The following KCNMA1 variants were observed in gnomAD, a reference collection of about 807,000 sequenced individuals.
KCNMA1 encodes the protein potassium calcium-activated channel subfamily M alpha 1, also known as Calcium-activated potassium channel subunit alpha-1.
KCNMA1 carries 29 observed loss-of-function variants against 140.0 expected under a neutral mutation model. The ratio of observed to expected loss-of-function variants is 0.21; its 90% CI spans 0.15 to 0.28. The LOEUF (loss-of-function observed/expected upper bound fraction) is 0.28. Ranked by LOEUF, KCNMA1 falls within the 10% of genes least tolerant of loss-of-function variation. The pLI is 1.00. For missense variants in KCNMA1, 880 were observed against 1,602.2 expected (o/e 0.55, Z 7.70); for synonymous variants, 612 against 611.9 (o/e 1.00, Z 0.00).
At chr10:77,576,648 A>G (rs1314252280) in intron 1 of KCNMA1, among the ~76,000 whole-genome samples, 2 of 152,328 alleles carry the variant, frequency 1.3e-5, no homozygotes, top group Middle Eastern at 3.4e-3. Flanking sequence ...CGTGCAAGAA[A>G]GCTCACCATG....
At chr10:76,900,137 T>A (rs1246905474) in intron 25 of KCNMA1, among the ~76,000 whole-genome samples, 1 of 152,108 alleles carries the variant, frequency 6.6e-6, no homozygotes, top group African/African-American at 2.4e-5. Context: ...AATGTAGAGA[T>A]CATTTTTATT....
At chr10:77,176,386 A>T (rs939500269) in intron 5 of KCNMA1, among the ~76,000 whole-genome samples, 1 of 152,140 alleles carries the variant, frequency 6.6e-6, no homozygotes, top group Non-Finnish European at 1.5e-5. Flanking sequence ...GGGCACCCAA[A>T]CCTCAGAGTA....
At chr10:77,621,431 T>A (rs1758889812) in intron 1 of KCNMA1, among the ~76,000 whole-genome samples, 1 of 152,124 alleles carries the variant, frequency 6.6e-6, no homozygotes, top group African/African-American at 2.4e-5. Flanking sequence ...CACAGGCCCA[T>A]GGTTTAATGA....
At chr10:77,514,622 G>C (rs1159041782) in intron 1 of KCNMA1, among the ~76,000 whole-genome samples, 1 of 152,222 alleles carries the variant, frequency 6.6e-6, no homozygotes, top group Non-Finnish European at 1.5e-5. Flanking sequence ...TGGGTATGCG[G>C]AGAGAGAACC....
chr10:77,520,317 G>A (rs528959314), intron 1 of KCNMA1, among the ~76,000 whole-genome samples: 152 of 151,862 alleles, frequency 1.0e-3, no homozygotes, highest in African/African-American at 3.5e-3. Context: ...TGCAGTGTGA[G>A]GGTATCCAGT....
intron 2 of KCNMA1, among the ~76,000 whole-genome samples, chr10:77,399,511 C>G (rs1301129834): frequency 6.6e-6 from 1 of 152,200 alleles, no homozygotes; most frequent in Non-Finnish European, 1.5e-5. Flanking sequence ...TAGAATCCCT[C>G]AGCCACGTGC....
intron 1 of KCNMA1, among the ~76,000 whole-genome samples, chr10:77,590,490 C>G (rs1368236320): frequency 6.6e-6 from 1 of 152,224 alleles, no homozygotes; most frequent in African/African-American, 2.4e-5. Flanking sequence ...AAGTGCTAAG[C>G]CCGCTGAGCC....
intron 10 of KCNMA1, 74 bp downstream of exon 10, chr10:77,090,326 T>G: frequency 9.7e-7 from 1 of 1,026,228 alleles, no homozygotes; most frequent in Non-Finnish European, 1.6e-6. Context: ...ACCTCCACTC[T>G]TACAGACATT....
chr10:77,259,086 A>G (rs1292421503), intron 2 of KCNMA1, among the ~76,000 whole-genome samples: 1 of 152,180 alleles, frequency 6.6e-6, no homozygotes, highest in Non-Finnish European at 1.5e-5. Context: ...CTAAATTACC[A>G]AGCTAGCACT....
intron 18 of KCNMA1, among the ~76,000 whole-genome samples, chr10:77,003,638 G>A (rs1231450342): frequency 2.0e-5 from 3 of 152,110 alleles, no homozygotes; most frequent in African/African-American, 7.2e-5. Context: ...TTAATCAAAT[G>A]CTGTAGCAGA....
intron 2 of KCNMA1, among the ~76,000 whole-genome samples, chr10:77,341,002 C>G (rs145917961): frequency 6.6e-6 from 1 of 152,124 alleles, no homozygotes; most frequent in Admixed American, 6.5e-5. Context: ...CAGGGAGACT[C>G]AGAGATGCTC....
chr10:77,331,763 T>C (rs548805443), intron 2 of KCNMA1, among the ~76,000 whole-genome samples: 1 of 151,922 alleles, frequency 6.6e-6, no homozygotes, highest in Non-Finnish European at 1.5e-5. Context: ...TGCAGGGAGC[T>C]ATGATTGCAC....
chr10:77,023,483 A>G (rs1388965890), intron 16 of KCNMA1, among the ~76,000 whole-genome samples: 1 of 152,210 alleles, frequency 6.6e-6, no homozygotes. Flanking sequence ...ATTTGTGTCT[A>G]GCAAGCTAAT....
intron 5 of KCNMA1, among the ~76,000 whole-genome samples, chr10:77,180,233 C>T (rs1473755514): frequency 6.6e-6 from 1 of 152,206 alleles, no homozygotes; most frequent in Non-Finnish European, 1.5e-5. Context: ...CTGAAATGCC[C>T]CTATTTAATG....
At chr10:77,434,234 T>A (rs1466819204) in intron 1 of KCNMA1, among the ~76,000 whole-genome samples, 4 of 152,208 alleles carry the variant, frequency 2.6e-5, no homozygotes, top group Admixed American at 1.3e-4. Flanking sequence ...CCTCTCACCT[T>A]CTAGGCTATT....
chr10:76,891,448 A>C, intron 26 of KCNMA1, 77 bp downstream of exon 26: 1 of 1,129,758 alleles, frequency 8.9e-7, no homozygotes. Context: ...CTAGCTTGTC[A>C]CATCTGATAC....
chr10:76,906,624 T>C (rs1285925571), intron 25 of KCNMA1, among the ~76,000 whole-genome samples: 1 of 152,066 alleles, frequency 6.6e-6, no homozygotes, highest in Non-Finnish European at 1.5e-5. Context: ...GCTGAAGAGA[T>C]TTGTGTGTGG....
At chr10:76,937,194 C>A (rs951403806) in intron 23 of KCNMA1, among the ~76,000 whole-genome samples, 1 of 152,164 alleles carries the variant, frequency 6.6e-6, no homozygotes, top group Non-Finnish European at 1.5e-5. Flanking sequence ...GGGCTAAAAT[C>A]CTGTTCTCCT....
chr10:77,273,596 A>T (rs2065802888), intron 2 of KCNMA1, among the ~76,000 whole-genome samples: 1 of 152,228 alleles, frequency 6.6e-6, no homozygotes, highest in Admixed American at 6.5e-5. Flanking sequence ...AATAGAAAAC[A>T]TGGTCCAAAA....
Sources: allele counts gnomAD v4.1 joint callset (sites outside exome capture counted in the v4.1 genomes callset), GRCh38; gene constraint gnomAD v4.1.1; transcripts MANE v1.5; gene names NCBI Gene and HGNC (gene_info 2026-07-23, HGNC 2026-07-21).